The following MYO1H variants were observed in gnomAD, a reference collection of about 807,000 sequenced individuals.
MYO1H encodes the protein unconventional myosin-Ih.
MYO1H carries 118 observed loss-of-function variants against 149.3 expected under a neutral mutation model. The ratio of observed to expected loss-of-function variants is 0.79; its 90% confidence interval spans 0.68 to 0.92. MYO1H has a LOEUF of 0.92. Among genes scored for constraint, MYO1H ranks in the 40% least tolerant of loss-of-function variants. The pLI is 0.00. For synonymous variants in MYO1H, 447 were observed against 465.2 expected, an observed-to-expected ratio of 0.96 and a Z score of 0.50; for missense variants, 1,212 against 1,280.7, an observed-to-expected ratio of 0.95 and a Z score of 0.82.
chr12:109,328,049 A>G, the MYO1H span, among the ~76,000 whole-genome samples: 1 of 151,294 alleles, frequency 6.6e-6, no homozygotes, highest in Admixed American at 6.6e-5. Flanking sequence ...AAAAAGTCCC[A>G]TCGTAGCTGC....
intron 8 of MYO1H, 130 bp from the exon 9 acceptor site, chr12:109,406,659 T>C: frequency 1.3e-6 from 1 of 791,832 alleles, no homozygotes. Context: ...GAAAAAAAGT[T>C]ACAATGAGCT....
chr12:109,434,105 G>A (rs912234133), intron 20 of MYO1H, among the ~76,000 whole-genome samples: 1 of 152,104 alleles, frequency 6.6e-6, no homozygotes, highest in South Asian at 2.1e-4. Context: ...CGCTTCCTGG[G>A]TTCAAGCGAT....
chr12:109,407,600 CAAAAAAA>C (rs776897477), intron 9 of MYO1H, among the ~76,000 whole-genome samples, 187 bp from the exon 10 acceptor site: 8,347 of 68,502 alleles, frequency 0.12, 827 homozygotes, highest in African/African-American at 0.31. Context: ...CACATTTCTA[CAAAAAAA>C]AAAAAAAAAA....
chr12:109,376,362 C>T (rs1017685848), intron 1 of MYO1H, among the ~76,000 whole-genome samples: 1 of 152,190 alleles, frequency 6.6e-6, no homozygotes, highest in South Asian at 2.1e-4. Flanking sequence ...CCTTTTGTAA[C>T]TGCTTCTTTC....
chr12:109,325,765 G>A, the MYO1H span, among the ~76,000 whole-genome samples: 2 of 152,190 alleles, frequency 1.3e-5, no homozygotes, highest in Non-Finnish European at 2.9e-5. Context: ...CAAAGGATAT[G>A]AAGAGACCCT....
intron 5 of MYO1H, among the ~76,000 whole-genome samples, chr12:109,398,726 A>T (rs1870021361): frequency 7.4e-6 from 1 of 135,738 alleles, no homozygotes; most frequent in South Asian, 2.5e-4. Context: ...GGGCAACAAG[A>T]GCGAAACTTC....
At chr12:109,313,895 G>C in the MYO1H span, among the ~76,000 whole-genome samples, 62 of 151,778 alleles carry the variant, frequency 4.1e-4, 1 homozygote, top group Admixed American at 3.4e-3. Context: ...TTTGTTTCTC[G>C]TTTTTTTAGA....
the MYO1H span, among the ~76,000 whole-genome samples, chr12:109,314,164 C>T: frequency 1.3e-5 from 2 of 151,664 alleles, no homozygotes; most frequent in Non-Finnish European, 2.9e-5. Flanking sequence ...GGATTACAGG[C>T]GTGAGCCACC....
At chr12:109,343,671 G>A (rs996491470), upstream of MYO1H, among the ~76,000 whole-genome samples, 3 of 152,148 alleles carry the variant, frequency 2.0e-5, no homozygotes, top group Admixed American at 6.5e-5. Flanking sequence ...CTAAGTGTGT[G>A]TATATTACAT....
chr12:109,434,048 T>C (rs1403048964), intron 20 of MYO1H, among the ~76,000 whole-genome samples: 1 of 152,156 alleles, frequency 6.6e-6, no homozygotes, highest in African/African-American at 2.4e-5. Context: ...AGAGTCTTGC[T>C]CTGTCACCCA....
At chr12:109,416,868 G>A (rs1288642228) in intron 15 of MYO1H, among the ~76,000 whole-genome samples, 2 of 152,176 alleles carry the variant, frequency 1.3e-5, no homozygotes, top group African/African-American at 2.4e-5. Context: ...TTAGCCGGGC[G>A]TGGTGGCACA....
intron 27 of MYO1H, among the ~76,000 whole-genome samples, chr12:109,442,795 C>CTTTTTT (rs747073389): frequency 4.3e-5 from 4 of 94,012 alleles, no homozygotes; most frequent in Non-Finnish European, 8.6e-5. Context: ...AGTGTCTGCT[C>CTTTTTT]TTTTTTTTTT....
At chr12:109,436,297 C>T (rs1378456520) in intron 21 of MYO1H, among the ~76,000 whole-genome samples, 191 bp from the exon 22 acceptor site, 3 of 152,098 alleles carry the variant, frequency 2.0e-5, no homozygotes, top group African/African-American at 7.2e-5. Flanking sequence ...TCCCGGGCAG[C>T]ATCTGGGAGC....
chr12:109,344,099 T>A (rs1034144548), upstream of MYO1H, among the ~76,000 whole-genome samples: 2 of 152,166 alleles, frequency 1.3e-5, no homozygotes, highest in African/African-American at 4.8e-5. Context: ...TTTAAATTTG[T>A]CTGATATTTT....
chr12:109,365,665 A>T (rs1868851175), intron 1 of MYO1H, among the ~76,000 whole-genome samples: 1 of 152,150 alleles, frequency 6.6e-6, no homozygotes, highest in Admixed American at 6.5e-5. Context: ...AATCAAGATG[A>T]TAATACCTAT....
intron 7 of MYO1H, among the ~76,000 whole-genome samples, chr12:109,404,621 T>A (rs1195845358): frequency 6.6e-6 from 1 of 152,252 alleles, no homozygotes; most frequent in Non-Finnish European, 1.5e-5. Flanking sequence ...AATGTAAGTT[T>A]GAAATTCAAA....
At chr12:109,441,644 C>G (rs1327854980) in exon 26 of MYO1H, 1 of 1,612,998 alleles carries the variant, frequency 6.2e-7, no homozygotes, top group East Asian at 2.2e-5. Flanking sequence ...CAAGTGAAAT[C>G]TTCAGGGGAA....
intron 14 of MYO1H, among the ~76,000 whole-genome samples, chr12:109,413,274 C>T (rs1490827300): frequency 6.6e-6 from 1 of 152,080 alleles, no homozygotes; most frequent in East Asian, 1.9e-4. Flanking sequence ...CATGCCTGGC[C>T]CCAAGACCAA....
At chr12:109,316,026 T>C in the MYO1H span, among the ~76,000 whole-genome samples, 1 of 152,182 alleles carries the variant, frequency 6.6e-6, no homozygotes, top group Admixed American at 6.5e-5. Context: ...CTTTGTAATA[T>C]ATTTTGAAAT....
Sources: gnomAD v4.1 joint callset for allele counts (sites outside exome capture counted in the v4.1 genomes callset) on GRCh38, gnomAD v4.1.1 for gene constraint, MANE v1.5 for transcripts, NCBI Gene and HGNC (gene_info 2026-07-23, HGNC 2026-07-21) for gene names.